Variants in SRPK2 observed in about 807,000 individuals in gnomAD.
SRPK2 encodes the protein SFRS protein kinase 2.
Under a neutral mutation model 90.8 loss-of-function variants are expected in SRPK2, and 21 were observed. That is an observed-to-expected ratio of 0.23 (90% CI 0.16 to 0.33). The LOEUF is 0.33. Among genes scored for constraint, SRPK2 ranks in the 10% least tolerant of loss-of-function variants. The pLI is 1.00. For missense variants in SRPK2, 620 were observed against 869.0 expected, an observed-to-expected ratio of 0.71 and a Z score of 3.60; for synonymous variants, 288 against 311.1, an observed-to-expected ratio of 0.93 and a Z score of 0.78.
intron 7 of SRPK2, among the ~76,000 whole-genome samples, chr7:105,146,899 T>C (rs985870541): frequency 6.6e-6 from 1 of 152,182 alleles, no homozygotes; most frequent in Non-Finnish European, 1.5e-5. Flanking sequence ...TGCATCTACA[T>C]ACAGTTGAAC....
intron 2 of SRPK2, chr7:105,269,089 A>T (rs1805485436): frequency 1.7e-6 from 2 of 1,188,976 alleles, no homozygotes; most frequent in African/African-American, 3.0e-5. Context: ...TGAAAGCAGG[A>T]AGTACCATTT....
chr7:105,177,953 C>T (rs1434414990), intron 3 of SRPK2, among the ~76,000 whole-genome samples: 1 of 150,012 alleles, frequency 6.7e-6, no homozygotes, highest in Non-Finnish European at 1.5e-5. Flanking sequence ...GGCGTGAACC[C>T]GGAAGGTGGA....
intron 2 of SRPK2, among the ~76,000 whole-genome samples, chr7:105,348,088 T>C (rs1034831322): frequency 3.4e-5 from 5 of 145,532 alleles, no homozygotes; most frequent in African/African-American, 5.1e-5. Context: ...TTTTTTTTTT[T>C]TTTTTGAGAT....
intron 2 of SRPK2, among the ~76,000 whole-genome samples, chr7:105,367,302 AC>A (rs1468444964): frequency 2.0e-5 from 3 of 151,952 alleles, no homozygotes; most frequent in Non-Finnish European, 4.4e-5. Flanking sequence ...CGGCTCTGTC[AC>A]CCAGGCTGGA....
intron 2 of SRPK2, among the ~76,000 whole-genome samples, chr7:105,374,930 A>C (rs914773097): frequency 4.6e-5 from 7 of 152,310 alleles, no homozygotes; most frequent in African/African-American, 1.4e-4. Flanking sequence ...TATTTATAAC[A>C]AAATGTAAAA....
intron 3 of SRPK2, among the ~76,000 whole-genome samples, chr7:105,170,851 GAAAGAAAGA>G (rs1790812929): frequency 4.5e-5 from 1 of 22,100 alleles, no homozygotes; most frequent in Non-Finnish European, 1.1e-4. Context: ...AAGAAAGAAA[GAAAGAAAGA>G]AAGAAAGAAA....
Position 105,137,573 on chromosome 7 carries a change from C to T in SRPK2, c.1543+4435G>A, listed in dbSNP as rs543613755. On this transcript the variant is annotated intron_variant, in intron 11 of 15. Coordinates refer to ENST00000393651, the MANE Select transcript of SRPK2 (RefSeq NM_182692.3). Reference sequence around the variant, plus strand: ...TTCCAGAAATAGCCCACAGGTAAGACCAACAAAACCACCCTGTTCCAGGGC... The same window carrying T: ...TTCCAGAAATAGCCCACAGGTAAGATCAACAAAACCACCCTGTTCCAGGGC... 3.6e-3 allele frequency among the ~76,000 whole-genome samples: 554 copies of T among 152,250 alleles called. 3 individuals carry two copies. Among genetic ancestry groups the T allele is most frequent in the African/African-American group, 0.013 (520 of 41,544 alleles).
intron 2 of SRPK2, among the ~76,000 whole-genome samples, chr7:105,343,898 G>C (rs979784613): frequency 1.3e-5 from 2 of 152,084 alleles, no homozygotes. Context: ...AAGTAGCTGG[G>C]ATTACAGGCA....
intron 2 of SRPK2, among the ~76,000 whole-genome samples, chr7:105,376,289 G>A (rs566606454): frequency 1.1e-4 from 16 of 151,318 alleles, no homozygotes; most frequent in South Asian, 2.1e-4. Context: ...AAATCACCAC[G>A]CCCGGCCAAA....
At chr7:105,128,202 A>C (rs1481841560) in intron 13 of SRPK2, among the ~76,000 whole-genome samples, 1 of 152,220 alleles carries the variant, frequency 6.6e-6, no homozygotes, top group Non-Finnish European at 1.5e-5. Flanking sequence ...AATCACTTGA[A>C]GGAAGGAAGG....
At chr7:105,303,006 G>A (rs1003044432) in intron 2 of SRPK2, among the ~76,000 whole-genome samples, 2 of 152,020 alleles carry the variant, frequency 1.3e-5, no homozygotes, top group Admixed American at 6.6e-5. Context: ...CCCAGGAGGC[G>A]GAGCTTGCAG....
At chr7:105,268,820 C>T (rs1192755735) in intron 2 of SRPK2, 13 of 1,598,802 alleles carry the variant, frequency 8.1e-6, no homozygotes, top group African/African-American at 4.0e-5. Flanking sequence ...CTGAAGAGGA[C>T]GACTTCTCAG....
intron 7 of SRPK2, among the ~76,000 whole-genome samples, chr7:105,149,450 A>C (rs142693554): frequency 1.3e-5 from 2 of 151,926 alleles, no homozygotes; most frequent in Non-Finnish European, 2.9e-5. Context: ...CTCCTACTAC[A>C]TTCCTTTTTG....
intron 2 of SRPK2, among the ~76,000 whole-genome samples, chr7:105,207,889 A>G (rs1048169306): frequency 1.3e-5 from 2 of 152,238 alleles, no homozygotes; most frequent in Non-Finnish European, 2.9e-5. Flanking sequence ...CTTGTAAATC[A>G]TAAGTGATAA....
intron 2 of SRPK2, among the ~76,000 whole-genome samples, chr7:105,342,135 C>T (rs565096297): frequency 6.6e-6 from 1 of 150,988 alleles, no homozygotes; most frequent in African/African-American, 2.4e-5. Flanking sequence ...CATGGTGGCA[C>T]ATGCCTGTGA....
intron 2 of SRPK2, among the ~76,000 whole-genome samples, chr7:105,238,212 C>A (rs2129621936): frequency 6.6e-6 from 1 of 152,334 alleles, no homozygotes; most frequent in Admixed American, 6.5e-5. Context: ...ATACTTGCCT[C>A]AAAGTCCTAA....
chr7:105,173,915 T>C (rs895171176), intron 3 of SRPK2, among the ~76,000 whole-genome samples: 15 of 148,442 alleles, frequency 1.0e-4, no homozygotes, highest in Admixed American at 6.6e-5. Flanking sequence ...AATAGTTGTG[T>C]GTTGGTGTTT....
chr7:105,331,241 AG>A (rs1251503028), intron 2 of SRPK2, among the ~76,000 whole-genome samples: 2 of 132,056 alleles, frequency 1.5e-5, no homozygotes, highest in African/African-American at 5.5e-5. Context: ...CCTCGGAGGC[AG>A]AGGTTGCAGT....
chr7:105,208,958 C>G (rs1796530440), intron 2 of SRPK2, among the ~76,000 whole-genome samples: 1 of 151,206 alleles, frequency 6.6e-6, no homozygotes, highest in South Asian at 2.1e-4. Flanking sequence ...CTCATCTCTA[C>G]AAAAACAACA....
Sources: gnomAD v4.1 joint callset for allele counts (sites outside exome capture counted in the v4.1 genomes callset) on GRCh38, gnomAD v4.1.1 for gene constraint, MANE v1.5 for transcripts, NCBI Gene and HGNC (gene_info 2026-07-23, HGNC 2026-07-21) for gene names.